Variants in PIWIL1 observed in about 807,000 individuals in gnomAD.
The protein encoded by PIWIL1 is piwi like RNA-mediated gene silencing 1.
Under a neutral mutation model 114.4 loss-of-function variants are expected in PIWIL1, and 73 were observed. The ratio of observed to expected loss-of-function variants is 0.64; its 90% CI spans 0.53 to 0.78. The LOEUF (loss-of-function observed/expected upper bound fraction) is 0.78. Among genes scored for constraint, PIWIL1 ranks in the 30% least tolerant of loss-of-function variants. PIWIL1 has a pLI of 0.00. For synonymous variants in PIWIL1, 375 were observed against 369.0 expected (o/e 1.02, Z -0.19); for missense variants, 723 against 1,063.1 (o/e 0.68, Z 4.45).
chr12:130,356,861 G>T, intron 12 of PIWIL1, 57 bp from the exon 13 acceptor site: 1 of 1,239,886 alleles, frequency 8.1e-7, no homozygotes, highest in Non-Finnish European at 1.1e-6. Flanking sequence ...AAGACTGTTT[G>T]GCTTGATCAC....
intron 6 of PIWIL1, 122 bp from the exon 7 acceptor site, chr12:130,347,981 A>G: frequency 1.7e-6 from 1 of 587,182 alleles, no homozygotes; most frequent in South Asian, 2.4e-5. Context: ...AACAGCAGGT[A>G]GGTTGGATTT....
intron 19 of PIWIL1, among the ~76,000 whole-genome samples, chr12:130,367,539 T>C (rs2073693827): frequency 6.6e-6 from 1 of 152,210 alleles, no homozygotes; most frequent in South Asian, 2.1e-4. Context: ...TTCTGTAGAT[T>C]GCTTTTATAT....
At chr12:130,343,428 A>G (rs906452542) in intron 3 of PIWIL1, among the ~76,000 whole-genome samples, 11 of 152,178 alleles carry the variant, frequency 7.2e-5, no homozygotes, top group African/African-American at 2.7e-4. Flanking sequence ...ACATGGGATA[A>G]CAAATGAAGG....
At chr12:130,385,601 G>A in the PIWIL1 span, among the ~76,000 whole-genome samples, 2 of 152,304 alleles carry the variant, frequency 1.3e-5, no homozygotes, top group South Asian at 2.1e-4. Flanking sequence ...CATTGGCTGC[G>A]AAGTTCTCAT....
the PIWIL1 span, chr12:130,396,291 A>G: frequency 2.6e-4 from 39 of 152,648 alleles, no homozygotes; most frequent in African/African-American, 7.2e-5. Flanking sequence ...TGAAGACACA[A>G]TGGGGAAAGC....
intron 5 of PIWIL1, 145 bp from the exon 6 acceptor site, chr12:130,346,796 C>T: frequency 1.9e-6 from 2 of 1,064,802 alleles, no homozygotes; most frequent in Non-Finnish European, 1.3e-6. Flanking sequence ...CACTTAGCCA[C>T]TCTTTTTCTC....
At position 130,354,672 on chromosome 12, in the gene PIWIL1, GCATTT is replaced by G; in HGVS notation, c.1171+15_1171+19del. The G allele has an allele frequency of 6.4e-7, 1 of 1,562,326 alleles. No individual in the cohort carries two copies. The highest frequency in any genetic ancestry group is 8.6e-7 in the Non-Finnish European group (1 of 1,157,758). ...GCTCTGCTATCTTACAGGTACTGTT[GCATTT>G]CATTTACTCGGAAGGAAGCCACTGG... On this transcript the variant is annotated intron_variant, in intron 10 of 20. Transcript: ENST00000245255.
the PIWIL1 span, among the ~76,000 whole-genome samples, chr12:130,410,965 A>G: frequency 6.6e-6 from 1 of 152,172 alleles, no homozygotes; most frequent in Non-Finnish European, 1.5e-5. Context: ...ACATACCAAT[A>G]TTAAGTCCAT....
the PIWIL1 span, among the ~76,000 whole-genome samples, chr12:130,420,446 G>A: frequency 6.6e-6 from 1 of 152,188 alleles, no homozygotes; most frequent in Admixed American, 6.5e-5. The surrounding 1 kb of genome is among the most constrained non-coding windows in gnomAD (Gnocchi z 4.3). Context: ...TTTAACAAGT[G>A]TGCTACTGAA....
At chr12:130,356,081 A>G (rs1190542296) in intron 12 of PIWIL1, among the ~76,000 whole-genome samples, 1 of 151,944 alleles carries the variant, frequency 6.6e-6, no homozygotes, top group Non-Finnish European at 1.5e-5. Context: ...GCTAAAGTGT[A>G]GAATCCTAAC....
Position 130,361,609 on chromosome 12 carries a change from A to C in PIWIL1, c.1970+8A>C. 1 of 1,609,164 alleles carries C rather than the reference A, an allele frequency of 6.2e-7. No homozygotes were observed. Among genetic ancestry groups the C allele is most frequent in the East Asian group, 2.2e-5 (1 of 44,834 alleles). ...CAATGAAGGGATGACCCGGTGAGTG[A>C]GACTGGGCTACTGTGGGTGGCAGTG... On this transcript the variant is annotated splice_region_variant and intron_variant, in intron 16 of 20. Coordinates refer to ENST00000245255, the MANE Select transcript of PIWIL1 (RefSeq NM_004764.5).
chr12:130,338,934 C>CG (rs1310008709), intron 1 of PIWIL1, among the ~76,000 whole-genome samples: 47 of 109,734 alleles, frequency 4.3e-4, no homozygotes, highest in African/African-American at 8.5e-4. Context: ...CCTGAGTTGC[C>CG]GGGGGTGCGG....
intron 18 of PIWIL1, 124 bp from the exon 19 acceptor site, chr12:130,367,009 G>A (rs1280238308): frequency 2.0e-5 from 22 of 1,119,912 alleles, no homozygotes; most frequent in Non-Finnish European, 2.2e-5. Context: ...TCCACAACCT[G>A]GACAGATGAT....
the PIWIL1 span, chr12:130,407,630 TGAG>T: frequency 4.2e-6 from 4 of 952,142 alleles, no homozygotes; most frequent in African/African-American, 1.6e-5. Context: ...AGAGAAGGAA[TGAG>T]GAGGTGAACA....
the PIWIL1 span, among the ~76,000 whole-genome samples, chr12:130,392,196 C>CATGTCCGTCAGTTATCTG: frequency 3.1e-4 from 4 of 12,812 alleles, no homozygotes; most frequent in Non-Finnish European, 3.9e-4. Flanking sequence ...ACCGTCATCA[C>CATGTCCGTCAGTTATCTG]GTGGATGCAT....
the PIWIL1 span, among the ~76,000 whole-genome samples, chr12:130,388,120 A>G: frequency 0.94 from 142,403 of 152,234 alleles, 66,721 homozygotes; most frequent in Non-Finnish European, 0.96. Context: ...TCTTCTTTTC[A>G]TTTTGGTTTT....
At chr12:130,350,324 C>G (rs2073179722) in intron 9 of PIWIL1, among the ~76,000 whole-genome samples, 1 of 152,182 alleles carries the variant, frequency 6.6e-6, no homozygotes, top group Non-Finnish European at 1.5e-5. Flanking sequence ...CATTTAATTT[C>G]ACCTTGGAGA....
chr12:130,373,743 C>T (rs2073845681), downstream of PIWIL1, among the ~76,000 whole-genome samples: 1 of 152,148 alleles, frequency 6.6e-6, no homozygotes, highest in African/African-American at 2.4e-5. Context: ...GTCTCCTTAA[C>T]ATCGTCTTGG....
the PIWIL1 span, among the ~76,000 whole-genome samples, chr12:130,377,855 A>G: frequency 3.3e-5 from 5 of 152,172 alleles, no homozygotes; most frequent in Admixed American, 2.6e-4. Context: ...CTCACCTTCC[A>G]TCGGAGGCCA....
Sources: gnomAD v4.1 joint callset for allele counts (sites outside exome capture counted in the v4.1 genomes callset) on GRCh38, gnomAD v4.1.1 for gene constraint, Gnocchi (gnomAD v3.1) non-coding constraint, MANE v1.5 for transcripts, NCBI Gene and HGNC (gene_info 2026-07-23, HGNC 2026-07-21) for gene names.